The following RHPN2 variants were observed in gnomAD, a reference collection of about 807,000 sequenced individuals.
The protein encoded by RHPN2 is rhophilin-2.
RHPN2 carries 40 observed loss-of-function variants against 79.0 expected under a neutral mutation model. The observed-to-expected ratio is 0.51, with a 90% CI of 0.39 to 0.66. The LOEUF is 0.66. Ranked by LOEUF, RHPN2 falls within the 30% of genes least tolerant of loss-of-function variation. The pLI, the probability that RHPN2 is intolerant of heterozygous loss-of-function variation, is 0.00. For missense variants in RHPN2, 686 were observed against 883.5 expected, an observed-to-expected ratio of 0.78 and a Z score of 2.83; for synonymous variants, 285 against 363.5, an observed-to-expected ratio of 0.78 and a Z score of 2.46.
intron 6 of RHPN2, 55 bp from the exon 7 acceptor site, chr19:33,008,235 C>A: frequency 1.4e-4 from 186 of 1,375,866 alleles, no homozygotes; most frequent in Admixed American, 2.9e-4. Flanking sequence ...GTTAATGCTA[C>A]AAGTGGAAAA....
intron 6 of RHPN2, among the ~76,000 whole-genome samples, chr19:33,009,732 G>A (rs1233409334): frequency 6.6e-6 from 1 of 152,074 alleles, no homozygotes; most frequent in African/African-American, 2.4e-5. Context: ...TGGGATTACA[G>A]ATATGAGCCA....
chr19:33,040,356 C>A (rs972150429), intron 2 of RHPN2, among the ~76,000 whole-genome samples: 2 of 151,442 alleles, frequency 1.3e-5, no homozygotes, highest in East Asian at 3.9e-4. Flanking sequence ...CCTGCCTCAG[C>A]CTCCCGAGTA....
At chr19:33,048,296 T>A (rs1189358556) in intron 1 of RHPN2, among the ~76,000 whole-genome samples, 1 of 151,588 alleles carries the variant, frequency 6.6e-6, no homozygotes, top group African/African-American at 2.4e-5. Flanking sequence ...CCTCAGGTGA[T>A]CCACCCGCCT....
At chr19:32,992,676 T>C (rs1971670272) in intron 12 of RHPN2, among the ~76,000 whole-genome samples, 1 of 151,684 alleles carries the variant, frequency 6.6e-6, no homozygotes, top group Non-Finnish European at 1.5e-5. Flanking sequence ...CCAGGCATGG[T>C]GGTGCACGCC....
At chr19:33,055,835 G>A (rs1228623460) in intron 1 of RHPN2, among the ~76,000 whole-genome samples, 1 of 151,832 alleles carries the variant, frequency 6.6e-6, no homozygotes, top group Non-Finnish European at 1.5e-5. Flanking sequence ...AGGACACAAT[G>A]AACCCGGAGG....
At chr19:33,023,317 C>T (rs1971939463) in intron 3 of RHPN2, among the ~76,000 whole-genome samples, 2 of 151,556 alleles carry the variant, frequency 1.3e-5, no homozygotes, top group Non-Finnish European at 2.9e-5. Flanking sequence ...TGCCTGTAAT[C>T]CCAGCTACTC....
chr19:33,050,527 C>A (rs1222480193), intron 1 of RHPN2, among the ~76,000 whole-genome samples: 3 of 152,180 alleles, frequency 2.0e-5, no homozygotes, highest in Non-Finnish European at 4.4e-5. Flanking sequence ...CCCCAGGCAA[C>A]CAATACTCTG....
At position 33,057,119 on chromosome 19, in the gene RHPN2, C is replaced by CAA. The variant is rs35713211; in HGVS notation, c.69+7663_69+7664dup. On this transcript the variant is annotated intron_variant, in intron 1 of 14. Coordinates refer to ENST00000254260, the MANE Select transcript of RHPN2 (RefSeq NM_033103.5). The stretch of plus-strand genomic sequence containing the variant: ...TGGGCAACAGAGCCAGACTCTGTCT[C>CAA]AAAAAAAAAAAAAAAAAGAGTTCGA... 2.6e-3 allele frequency among the ~76,000 whole-genome samples: 251 copies of CAA among 95,910 alleles called. 2 individuals carry two copies. Among genetic ancestry groups the CAA allele is most frequent in the African/African-American group, 8.6e-3 (235 of 27,306 alleles). The allele number at this position is 95,910 out of a possible 152,430, so 62.9% of individuals were successfully genotyped here.
chr19:32,987,917 A>T (rs1395945785), intron 14 of RHPN2, among the ~76,000 whole-genome samples: 3 of 152,130 alleles, frequency 2.0e-5, no homozygotes, highest in Admixed American at 2.0e-4. Context: ...ATGGTGGCTC[A>T]TGCCTGTAAT....
chr19:33,054,591 G>A (rs1030462098), intron 1 of RHPN2, among the ~76,000 whole-genome samples: 1 of 152,156 alleles, frequency 6.6e-6, no homozygotes, highest in East Asian at 1.9e-4. Context: ...ATCATTCACC[G>A]TGGTGTCTCC....
rs1291588322 is a variant in RHPN2 at position 33,058,244 on chromosome 19, A to G, written c.69+6540T>C. Among the ~76,000 whole-genome samples, 3 of 152,230 alleles carry G rather than the reference A, an allele frequency of 2.0e-5. No individual in the cohort carries two copies. The East Asian group carries it at 5.8e-4, about 29-fold the overall frequency. ...AAAGCACCAATTCCCAGCACTGCTC[A>G]GCACTCCAGGAAACGAGACCTGCTG... On this transcript the variant is annotated intron_variant, in intron 1 of 14. Coordinates refer to ENST00000254260, the MANE Select transcript of RHPN2 (RefSeq NM_033103.5).
At chr19:32,983,491 G>A (rs1971593072) in intron 14 of RHPN2, among the ~76,000 whole-genome samples, 1 of 150,930 alleles carries the variant, frequency 6.6e-6, no homozygotes, top group Non-Finnish European at 1.5e-5. Flanking sequence ...TTCCAGCCTG[G>A]GTGACAGAAC....
In RHPN2 at chr19:33,012,677, A is replaced by C; in HGVS notation, c.438T>G (p.Asp146Glu). 1.2e-6 allele frequency: 2 copies of C among 1,608,242 alleles called. No individual in the cohort carries two copies. The part of the protein sequence containing the change: ...HYSEDGYLYE[D>E]EIADLMDLRQ... ...TCAGATCCATAAGATCTGCAATTTCATCTTCATATAAATAGCCATCTTCAC... is the reference window on the plus strand; with the variant it reads ...TCAGATCCATAAGATCTGCAATTTCCTCTTCATATAAATAGCCATCTTCAC... Residue 146 changes from aspartate to glutamate, a missense_variant, in exon 5 of 15, where the codon GAT becomes GAG. Transcript: ENST00000254260.
intron 2 of RHPN2, among the ~76,000 whole-genome samples, chr19:33,034,673 C>G (rs184715644): frequency 6.8e-6 from 1 of 148,010 alleles, no homozygotes; most frequent in African/African-American, 2.5e-5. Context: ...CCCAGCTACT[C>G]AGGAGGCTGA....
chr19:32,991,272 A>G (rs1971657719), intron 13 of RHPN2: 1 of 192,394 alleles, frequency 5.2e-6, no homozygotes, highest in Non-Finnish European at 1.1e-5. Flanking sequence ...CCTGGCTAAC[A>G]CAGTGAAACC....
At chr19:33,052,156 A>G (rs1233238024) in intron 1 of RHPN2, among the ~76,000 whole-genome samples, 1 of 152,130 alleles carries the variant, frequency 6.6e-6, no homozygotes, top group Non-Finnish European at 1.5e-5. Context: ...TTAATTAGGA[A>G]GAAAGGAAAG....
Position 33,021,591 on chromosome 19 carries a change from C to T in RHPN2, c.370G>A (p.Asp124Asn), listed in dbSNP as rs199832226. 257 of 1,613,890 alleles carry T rather than the reference C, an allele frequency of 1.6e-4. 1 individual carries two copies. Among genetic ancestry groups the T allele is most frequent in the Middle Eastern group, 5.0e-4 (3 of 6,060 alleles). The change falls in exon 4 of 15, where the codon GAC (aspartate) becomes AAC (asparagine). Residue 124 changes from aspartate to asparagine, a missense_variant. Physicochemically the swap from Asp to Asn is conservative, Grantham distance 23. Coordinates refer to ENST00000254260, the MANE Select transcript of RHPN2 (RefSeq NM_033103.5). ...PLGLKETKDV[D>N]FAVVLKDFIL... ...TTTACCTTGAGGACGACTGCAAAGTCGACGTCTTTCGTTTCCTTCAGGCCA... is the reference window on the plus strand; with the variant it reads ...TTTACCTTGAGGACGACTGCAAAGTTGACGTCTTTCGTTTCCTTCAGGCCA...
chr19:33,054,325 C>T (rs1237362288), intron 1 of RHPN2, among the ~76,000 whole-genome samples: 3 of 151,724 alleles, frequency 2.0e-5, no homozygotes, highest in South Asian at 2.1e-4. Context: ...CTCAGCCTCC[C>T]GAGTAGCTGG....
chr19:33,000,766 C>T (rs1171649133), intron 9 of RHPN2, among the ~76,000 whole-genome samples: 4 of 152,176 alleles, frequency 2.6e-5, no homozygotes, highest in African/African-American at 7.2e-5. Flanking sequence ...ACTTTACTCC[C>T]TCTAGGCTGA....
Sources: gnomAD v4.1 joint callset for allele counts (sites outside exome capture counted in the v4.1 genomes callset) on GRCh38, gnomAD v4.1.1 for gene constraint, MANE v1.5 for transcripts, NCBI Gene and HGNC (gene_info 2026-07-23, HGNC 2026-07-21) for gene names.